CALCRL: variants seen among roughly 807,000 people sequenced by gnomAD.
CALCRL encodes calcitonin receptor like receptor.
CALCRL carries 27 observed loss-of-function variants against 60.4 expected under a neutral mutation model. That is an observed-to-expected ratio of 0.45 (90% CI 0.33 to 0.62). The LOEUF is 0.62. Ranked by LOEUF, CALCRL falls within the 20% of genes least tolerant of loss-of-function variation. The pLI is 0.03. For synonymous variants in CALCRL, 190 were observed against 182.6 expected (o/e 1.04, Z -0.33); for missense variants, 424 against 540.7 (o/e 0.78, Z 2.14).
intron 1 of CALCRL, among the ~76,000 whole-genome samples, chr2:187,424,830 A>G (rs1246776695): frequency 6.6e-6 from 1 of 151,984 alleles, no homozygotes; most frequent in African/African-American, 2.4e-5. Flanking sequence ...GTCAAAACTG[A>G]TATATCCCAT....
chr2:187,404,507 T>TA (rs1246528435), intron 1 of CALCRL, among the ~76,000 whole-genome samples: 2 of 151,448 alleles, frequency 1.3e-5, no homozygotes, highest in African/African-American at 4.8e-5. Context: ...TTTATTTATT[T>TA]TTTTTTTTTG....
chr2:187,355,744 G>A (rs1290052822), intron 12 of CALCRL, among the ~76,000 whole-genome samples: 1 of 152,028 alleles, frequency 6.6e-6, no homozygotes, highest in East Asian at 1.9e-4. Context: ...TGTATATTTA[G>A]AAAACCCCAT....
In CALCRL at chr2:187,383,250, A is replaced by T; in HGVS notation, c.107T>A (p.Val36Asp). Residue 36 changes from valine (V) to aspartate (D), a missense_variant, in exon 5 of 15, where the codon GTT (valine) becomes GAT (aspartate). This residue lies in a region of CALCRL where 108 missense variants were observed against 132.9 expected (regional missense o/e 0.81). Coordinates refer to ENST00000392370, the MANE Select transcript of CALCRL (RefSeq NM_005795.6). The stretch of plus-strand genomic sequence containing the variant: ...AGCTGTCATGATTTTATTTCTAGTA[A>T]CTCCCAACTGAATTGAGTCCTCAGG... The part of the protein sequence containing the change: ...ESPEDSIQLG[V>D]TRNKIMTAQY... 1 of 1,611,824 alleles carries T rather than the reference A, an allele frequency of 6.2e-7. No homozygotes were observed. The highest frequency in any genetic ancestry group is 1.1e-5 in the South Asian group (1 of 90,832).
intron 1 of CALCRL, among the ~76,000 whole-genome samples, chr2:187,433,918 C>T (rs7575164): frequency 0.024 from 3,630 of 152,020 alleles, 151 homozygotes; most frequent in African/African-American, 0.083. Flanking sequence ...GATGTTTTGA[C>T]GCCTAAGAAA....
intron 1 of CALCRL, among the ~76,000 whole-genome samples, chr2:187,444,024 T>C (rs114829206): frequency 2.4e-3 from 360 of 151,802 alleles, no homozygotes; most frequent in Non-Finnish European, 4.1e-3. Context: ...GAATATGCTA[T>C]TGATCCTCCA....
chr2:187,417,856 A>T (rs982102241), intron 1 of CALCRL, among the ~76,000 whole-genome samples: 2 of 152,230 alleles, frequency 1.3e-5, no homozygotes, highest in Admixed American at 6.5e-5. Flanking sequence ...AGGAAAGAGG[A>T]TAATGTTTCA....
chr2:187,441,737 T>C (rs1194592849), intron 1 of CALCRL, among the ~76,000 whole-genome samples: 3 of 151,950 alleles, frequency 2.0e-5, no homozygotes, highest in Admixed American at 2.0e-4. Flanking sequence ...TTAATTTGTT[T>C]AGAAAAAGAG....
chr2:187,420,445 CTTCTTT>C (rs1404860523), intron 1 of CALCRL, among the ~76,000 whole-genome samples: 1 of 151,546 alleles, frequency 6.6e-6, no homozygotes, highest in African/African-American at 2.4e-5. Flanking sequence ...TAGATTTCTT[CTTCTTT>C]GATTTTTTTT....
intron 7 of CALCRL, among the ~76,000 whole-genome samples, chr2:187,379,267 T>A (rs1017575349): frequency 1.2e-4 from 18 of 152,124 alleles, no homozygotes; most frequent in Non-Finnish European, 2.2e-4. Context: ...TTTATTTTTT[T>A]AATAATTTTT....
rs192101471 is a variant in CALCRL, at chr2:187,373,379, A to T, written c.500+5561T>A. ...GTAAGCTACACGGTATCTTCTGGTCATAAAAAAATCTTATTACTTTTGACT... is the reference window on the plus strand; with the variant it reads ...GTAAGCTACACGGTATCTTCTGGTCTTAAAAAAATCTTATTACTTTTGACT... On this transcript the variant is annotated intron_variant, in intron 8 of 14. Coordinates refer to ENST00000392370, the MANE Select transcript of CALCRL (RefSeq NM_005795.6). Among the ~76,000 whole-genome samples the T allele has an allele frequency of 2.6e-5, 4 of 152,338 alleles. No individual in the cohort carries two copies. The East Asian group carries it at 7.7e-4, about 29-fold the overall frequency.
chr2:187,428,162 T>A (rs978965637), intron 1 of CALCRL, among the ~76,000 whole-genome samples: 3 of 152,274 alleles, frequency 2.0e-5, no homozygotes, highest in Middle Eastern at 6.8e-3. Flanking sequence ...TATGAAAATC[T>A]TTTAGTGATG....
chr2:187,404,788 A>T (rs550599142), intron 1 of CALCRL, among the ~76,000 whole-genome samples: 1 of 152,042 alleles, frequency 6.6e-6, no homozygotes, highest in Non-Finnish European at 1.5e-5. Context: ...AACTCACATG[A>T]ATGAGGCTTT....
At chr2:187,430,633 C>T (rs1690359824) in intron 1 of CALCRL, among the ~76,000 whole-genome samples, 1 of 151,886 alleles carries the variant, frequency 6.6e-6, no homozygotes. Flanking sequence ...TAGTTAATGC[C>T]CAGGATTGAA....
At chr2:187,436,700 A>C (rs1690659207) in intron 1 of CALCRL, 1 of 152,236 alleles carries the variant, frequency 6.6e-6, no homozygotes, top group Non-Finnish European at 1.5e-5. Context: ...ACCCACTGAC[A>C]TGCCCATTGT....
At chr2:187,388,996 T>C (rs1688319948) in intron 1 of CALCRL, among the ~76,000 whole-genome samples, 1 of 151,974 alleles carries the variant, frequency 6.6e-6, no homozygotes, top group Admixed American at 6.6e-5. Context: ...AAGGATTCTT[T>C]CTGATGGGCT....
intron 1 of CALCRL, among the ~76,000 whole-genome samples, chr2:187,412,472 C>T (rs1689409074): frequency 6.6e-6 from 1 of 152,176 alleles, no homozygotes; most frequent in Non-Finnish European, 1.5e-5. Flanking sequence ...CTTTCCTCAT[C>T]TATGAAGTTA....
chr2:187,379,088 A>T (rs1406210670), intron 7 of CALCRL, 57 bp from the exon 8 acceptor site: 1 of 804,316 alleles, frequency 1.2e-6, no homozygotes, highest in African/African-American at 1.7e-5. Flanking sequence ...AGTATCTGTA[A>T]TCCCACACAT....
intron 1 of CALCRL, among the ~76,000 whole-genome samples, chr2:187,418,563 G>A (rs993551234): frequency 1.3e-5 from 2 of 151,876 alleles, no homozygotes; most frequent in African/African-American, 2.4e-5. Flanking sequence ...TCTTCCTAAG[G>A]GTATAGGTCA....
At chr2:187,409,740 T>C (rs1689276609) in intron 1 of CALCRL, among the ~76,000 whole-genome samples, 1 of 152,198 alleles carries the variant, frequency 6.6e-6, no homozygotes, top group African/African-American at 2.4e-5. Flanking sequence ...GAAGATGACC[T>C]AATCTGGAGC....
Sources: gnomAD v4.1 joint callset for allele counts (sites outside exome capture counted in the v4.1 genomes callset) on GRCh38, gnomAD v4.1.1 for gene constraint, gnomAD v4.1.1 regional missense constraint, MANE v1.5 for transcripts, NCBI Gene and HGNC (gene_info 2026-07-23, HGNC 2026-07-21) for gene names.